Variants in CYB561A3 observed in about 807,000 individuals in gnomAD.
The protein encoded by CYB561A3 is cytochrome b561 family member A3.
Under a neutral mutation model 25.3 loss-of-function variants are expected in CYB561A3, and 16 were observed. The observed-to-expected ratio is 0.63, with a 90% CI of 0.43 to 0.96. CYB561A3 has a LOEUF of 0.96. Ranked by LOEUF, CYB561A3 falls within the 40% of genes least tolerant of loss-of-function variation. The pLI, the probability that CYB561A3 is intolerant of heterozygous loss-of-function variation, is 0.00. For missense variants in CYB561A3, 219 were observed against 307.5 expected (o/e 0.71, Z 2.15); for synonymous variants, 131 against 129.9 (o/e 1.01, Z -0.06).
intron 1 of CYB561A3, chr11:61,358,104 C>T (rs1565071650): frequency 6.6e-6 from 1 of 152,254 alleles, no homozygotes; most frequent in African/African-American, 2.4e-5. Context: ...ATGAATGTAG[C>T]ACACTGTAGA....
chr11:61,349,759 C>A lies in CYB561A3; in HGVS notation c.*640G>T, dbSNP rs182782568. 1.4e-5 allele frequency: 9 copies of A among 658,200 alleles called. No homozygotes were observed. Among genetic ancestry groups the A allele is most frequent in the African/African-American group, 1.2e-4 (7 of 56,482 alleles). The allele number at this position is 658,200 out of a possible 1,614,324, so 40.8% of individuals were successfully genotyped here. Reference sequence around the variant, plus strand: ...AGAAGCTGCGTGGGCCGCCACTCCCCCTTTCTGCAATCACCCCATGATGTC... The same window carrying A: ...AGAAGCTGCGTGGGCCGCCACTCCCACTTTCTGCAATCACCCCATGATGTC... On this transcript the variant is annotated 3_prime_UTR_variant, in exon 7 of 7. Transcript: ENST00000294072.
intron 2 of CYB561A3, chr11:61,357,076 C>A (rs1477757768): frequency 4.9e-6 from 7 of 1,419,942 alleles, no homozygotes; most frequent in Middle Eastern, 1.7e-4. Context: ...ATTACCACCC[C>A]ATACCCCCCA....
At chr11:61,359,537 A>C (rs1373272238) in intron 1 of CYB561A3, 1 of 152,290 alleles carries the variant, frequency 6.6e-6, no homozygotes, top group African/African-American at 2.4e-5. Flanking sequence ...AAGAGGAAAA[A>C]GTAAATGCAG....
chr11:61,353,874 G>A lies in CYB561A3; in HGVS notation c.303C>T (p.Val101=), dbSNP rs776507101. 5.6e-6 allele frequency: 9 copies of A among 1,614,200 alleles called. No individual in the cohort carries two copies. The South Asian group carries it at 6.6e-5, about 12-fold the overall frequency. The change falls in exon 4 of 7, where the codon GTC becomes GTT. Residue 101 remains valine, a synonymous_variant. Transcript: ENST00000294072. ...TCCTTCCATGGTTGTGAAACGTAAA[G>A]ACAGCAACCAGCCCCACAACAGTGA... is the stretch of plus-strand genomic sequence containing the variant. ...FVLTVVGLVA[V]FTFHNHGRTA...
At position 61,349,275 on chromosome 11, in the gene CYB561A3, C is replaced by CA; in HGVS notation, c.*1123dup. 1 of 433,884 alleles carries CA rather than the reference C, an allele frequency of 2.3e-6. No homozygotes were observed. 26.9% of individuals were successfully genotyped at this position (433,884 alleles called of 1,614,324 possible). ...GCCAGGCAAGCAGCCATGGTGGGGC[C>CA]AGGTGAAGCAATGTGGGTCTCAGCA... On this transcript the variant is annotated 3_prime_UTR_variant, in exon 7 of 7. Transcript: ENST00000294072.
intron 3 of CYB561A3, chr11:61,354,768 T>C (rs957013052): frequency 1.3e-5 from 2 of 152,152 alleles, no homozygotes; most frequent in African/African-American, 4.8e-5. Context: ...TCAAACTGAA[T>C]TGTCACAAGT....
At chr11:61,355,853 G>A (rs986791261) in intron 3 of CYB561A3, among the ~76,000 whole-genome samples, 5 of 152,082 alleles carry the variant, frequency 3.3e-5, no homozygotes, top group African/African-American at 1.2e-4. Flanking sequence ...ACTTCAGGAG[G>A]CTGAGGTGGG....
chr11:61,357,331 C>A, intron 2 of CYB561A3: 14 of 1,081,120 alleles, frequency 1.3e-5, no homozygotes, highest in Non-Finnish European at 1.7e-5. Flanking sequence ...GCTGATGCCC[C>A]TCAGCTGTCT....
In CYB561A3 at chr11:61,351,150, G is replaced by A. The variant is rs757328884; in HGVS notation, c.549-3C>T. ...GGTATGGCCTGGTGGTGTTTTTCCT[G>A]AAGATGACAAAACAATGTGAGCCCT... On this transcript the variant is annotated splice_polypyrimidine_tract_variant and splice_region_variant and intron_variant, in intron 5 of 6. Coordinates refer to ENST00000294072, the MANE Select transcript of CYB561A3 (RefSeq NM_153611.6). 3.7e-6 allele frequency: 6 copies of A among 1,605,750 alleles called. No individual in the cohort carries two copies. The highest frequency in any genetic ancestry group is 1.1e-5 in the South Asian group (1 of 89,696).
At chr11:61,357,087 G>T in intron 2 of CYB561A3, 2 of 1,450,258 alleles carry the variant, frequency 1.4e-6, no homozygotes, top group Non-Finnish European at 1.9e-6. Context: ...ATACCCCCCA[G>T]GAAAAAAGGG....
At chr11:61,355,180 TCTAA>T (rs1857601554) in intron 3 of CYB561A3, among the ~76,000 whole-genome samples, 1 of 152,060 alleles carries the variant, frequency 6.6e-6, no homozygotes. Flanking sequence ...GCCTCTCCTG[TCTAA>T]CTCTCAATTT....
At chr11:61,360,019 TATAA>T (rs899222518) in intron 1 of CYB561A3, 2 of 151,562 alleles carry the variant, frequency 1.3e-5, no homozygotes, top group Non-Finnish European at 2.9e-5. Flanking sequence ...AGACTCTGTC[TATAA>T]ATAAATACCC....
At chr11:61,354,032 C>T (rs779416220) in intron 3 of CYB561A3, 40 bp from the exon 4 acceptor site, 13 of 1,606,250 alleles carry the variant, frequency 8.1e-6, no homozygotes, top group Middle Eastern at 1.8e-4. Flanking sequence ...CCTCTCCCCT[C>T]GAGCTCACCC....
chr11:61,352,328 C>T (rs567704466), intron 5 of CYB561A3: 2 of 152,594 alleles, frequency 1.3e-5, no homozygotes, highest in African/African-American at 4.8e-5. Context: ...TTTATTTCTA[C>T]CTGAACAGTC....
upstream of CYB561A3, chr11:61,361,940 G>A (rs894301863): frequency 1.3e-5 from 2 of 152,284 alleles, no homozygotes; most frequent in African/African-American, 4.8e-5. Context: ...AGTCGCGCGC[G>A]AGGCCTCCTG....
At chr11:61,355,009 C>A (rs1410233613) in intron 3 of CYB561A3, among the ~76,000 whole-genome samples, 1 of 152,060 alleles carries the variant, frequency 6.6e-6, no homozygotes, top group African/African-American at 2.4e-5. Flanking sequence ...GCTGGGACTA[C>A]AGGTGCCTGC....
chr11:61,360,094 T>A (rs75898809), intron 1 of CYB561A3: 1 of 148,526 alleles, frequency 6.7e-6, no homozygotes, highest in African/African-American at 2.5e-5. Flanking sequence ...AAAAAAAAAT[T>A]AGCTGGGCGT....
intron 3 of CYB561A3, 184 bp from the exon 4 acceptor site, chr11:61,354,176 A>G: frequency 1.5e-6 from 1 of 651,246 alleles, no homozygotes; most frequent in Non-Finnish European, 2.6e-6. Context: ...CCATGAAGGG[A>G]GGAGAGAAGG....
In CYB561A3 at chr11:61,354,091, G is replaced by A. The variant is rs1401584833; in HGVS notation, c.185-99C>T. The A allele has an allele frequency of 5.3e-6, 7 of 1,310,746 alleles. No homozygotes were observed. The African/African-American group carries it at 8.8e-5, about 16-fold the overall frequency. 81.2% of individuals were successfully genotyped at this position (1,310,746 alleles called of 1,614,324 possible). The stretch of plus-strand genomic sequence containing the variant: ...AGGATCCTACACAGCTTCCCAGCAA[G>A]GGAACAGGAAATGCTAGGGCACTGG... On this transcript the variant is annotated intron_variant, in intron 3 of 6. Transcript: ENST00000294072.
Sources: gnomAD v4.1 joint callset for allele counts (sites outside exome capture counted in the v4.1 genomes callset) on GRCh38, gnomAD v4.1.1 for gene constraint, MANE v1.5 for transcripts, NCBI Gene and HGNC (gene_info 2026-07-23, HGNC 2026-07-21) for gene names.